The following LINGO2 variants were observed in gnomAD, a reference collection of about 807,000 sequenced individuals.
The protein encoded by LINGO2 is leucine rich repeat and Ig domain containing 2.
Under a neutral mutation model 30.6 loss-of-function variants are expected in LINGO2, and 14 were observed. That is an observed-to-expected ratio of 0.46 (90% confidence interval 0.30 to 0.72). LINGO2 has a LOEUF of 0.72. Ranked by LOEUF, LINGO2 falls within the 30% of genes least tolerant of loss-of-function variation. The pLI is 0.07. For missense variants in LINGO2, 729 were observed against 751.7 expected (o/e 0.97, Z 0.35); for synonymous variants, 317 against 288.5 (o/e 1.10, Z -1.00).
chr9:29,164,620 G>T, the LINGO2 span, among the ~76,000 whole-genome samples: 1 of 151,958 alleles, frequency 6.6e-6, no homozygotes, highest in Non-Finnish European at 1.5e-5. Flanking sequence ...ACGTAATTAC[G>T]CAGTGCAGAT....
intron 4 of LINGO2, among the ~76,000 whole-genome samples, chr9:28,061,403 A>G (rs1245974415): frequency 2.6e-5 from 4 of 151,904 alleles, no homozygotes; most frequent in African/African-American, 7.2e-5. Flanking sequence ...TTCTGGAATA[A>G]TCCAGAAGTT....
intron 2 of LINGO2, among the ~76,000 whole-genome samples, chr9:28,466,926 ATTG>A (rs1825330524): frequency 6.6e-6 from 1 of 151,914 alleles, no homozygotes; most frequent in South Asian, 2.1e-4. Flanking sequence ...GACTAAAATT[ATTG>A]TTTATACACA....
At chr9:28,024,334 G>C (rs1823275143) in intron 4 of LINGO2, among the ~76,000 whole-genome samples, 1 of 152,164 alleles carries the variant, frequency 6.6e-6, no homozygotes. Flanking sequence ...CCGGAGGATG[G>C]GTGGAGGGTG....
chr9:28,576,013 G>C (rs915087278), intron 1 of LINGO2, among the ~76,000 whole-genome samples: 10 of 151,960 alleles, frequency 6.6e-5, no homozygotes, highest in Non-Finnish European at 7.4e-5. Flanking sequence ...CTTACAATGG[G>C]GTTATGTACT....
the LINGO2 span, among the ~76,000 whole-genome samples, chr9:28,686,031 A>C: frequency 2.0e-5 from 3 of 151,654 alleles, no homozygotes; most frequent in Admixed American, 1.3e-4. Context: ...GAGAATCAAT[A>C]ACCAAACATT....
chr9:28,029,746 G>A (rs1259460369), intron 4 of LINGO2, among the ~76,000 whole-genome samples: 2 of 152,068 alleles, frequency 1.3e-5, no homozygotes, highest in Non-Finnish European at 2.9e-5. Context: ...AATATCATAG[G>A]GTGCTGATAT....
At chr9:28,604,315 T>A (rs1389792821) in intron 1 of LINGO2, among the ~76,000 whole-genome samples, 1 of 152,032 alleles carries the variant, frequency 6.6e-6, no homozygotes, top group Non-Finnish European at 1.5e-5. Context: ...CAAAAACACC[T>A]TATAAATTAA....
intron 4 of LINGO2, among the ~76,000 whole-genome samples, chr9:28,093,876 A>G (rs7847672): frequency 0.6 from 90,655 of 151,780 alleles, 27,374 homozygotes; most frequent in Middle Eastern, 0.65. Context: ...ATTGACAACC[A>G]TGCAAAATTT....
chr9:28,015,705 AAACT>A (rs1385826569), intron 4 of LINGO2, among the ~76,000 whole-genome samples: 1 of 152,164 alleles, frequency 6.6e-6, no homozygotes, highest in Admixed American at 6.6e-5. Flanking sequence ...ACATCGTGAC[AAACT>A]AACAATCACA....
the LINGO2 span, among the ~76,000 whole-genome samples, chr9:29,201,383 A>C: frequency 4.6e-5 from 7 of 152,150 alleles, no homozygotes; most frequent in African/African-American, 1.7e-4. Context: ...ACTGGCTCTA[A>C]TTTGAAGAGA....
the LINGO2 span, among the ~76,000 whole-genome samples, chr9:29,197,324 T>A: frequency 0.047 from 7,173 of 152,084 alleles, 531 homozygotes; most frequent in African/African-American, 0.16. Flanking sequence ...TACTGCTCAA[T>A]CTCATCAAGT....
At chr9:28,004,466 G>C (rs1290428357) in intron 5 of LINGO2, among the ~76,000 whole-genome samples, 2 of 152,054 alleles carry the variant, frequency 1.3e-5, no homozygotes, top group African/African-American at 4.8e-5. Flanking sequence ...TCAATTACTA[G>C]AAGACGTACC....
chr9:28,790,555 T>C, the LINGO2 span, among the ~76,000 whole-genome samples: 1 of 151,164 alleles, frequency 6.6e-6, no homozygotes, highest in Admixed American at 6.6e-5. Context: ...AGGATGGTCT[T>C]GATCTCCTGA....
At chr9:28,380,265 G>A (rs1380779260) in intron 2 of LINGO2, among the ~76,000 whole-genome samples, 3 of 151,902 alleles carry the variant, frequency 2.0e-5, no homozygotes, top group African/African-American at 7.2e-5. Context: ...GCAACATACA[G>A]ATAAGAAACA....
intron 4 of LINGO2, among the ~76,000 whole-genome samples, chr9:28,195,582 T>A (rs1819983638): frequency 6.6e-6 from 1 of 151,006 alleles, no homozygotes; most frequent in Non-Finnish European, 1.5e-5. Context: ...TTCACAACCC[T>A]ATATAAACAA....
At chr9:29,179,307 C>A in the LINGO2 span, among the ~76,000 whole-genome samples, 1 of 150,870 alleles carries the variant, frequency 6.6e-6, no homozygotes, top group Admixed American at 6.6e-5. Context: ...CCCAGGGAGG[C>A]TTGTTTCCCC....
chr9:28,216,591 A>G (rs1269284521), intron 4 of LINGO2, among the ~76,000 whole-genome samples: 1 of 151,962 alleles, frequency 6.6e-6, no homozygotes, highest in South Asian at 2.1e-4. Context: ...TTGCAAATGA[A>G]GCAAAACTAT....
chr9:28,214,136 C>T (rs1328198991), intron 4 of LINGO2, among the ~76,000 whole-genome samples: 1 of 151,426 alleles, frequency 6.6e-6, no homozygotes, highest in Admixed American at 6.6e-5. Flanking sequence ...TAAGAGCTAT[C>T]GAAAGAAGTT....
chr9:28,923,155 C>T, the LINGO2 span, among the ~76,000 whole-genome samples: 25 of 152,188 alleles, frequency 1.6e-4, no homozygotes, highest in East Asian at 4.4e-3. Context: ...GCTTTCAGCC[C>T]GGGAAAACTG....
Sources: allele counts gnomAD v4.1 joint callset (sites outside exome capture counted in the v4.1 genomes callset), GRCh38; gene constraint gnomAD v4.1.1; transcripts MANE v1.5; gene names NCBI Gene and HGNC (gene_info 2026-07-23, HGNC 2026-07-21).